The following TMTC1 variants were observed in gnomAD, a reference collection of about 807,000 sequenced individuals.
TMTC1 encodes protein O-mannosyl-transferase TMTC1.
In TMTC1, 73 loss-of-function variants were observed where a neutral mutation model predicts 104.8. The observed-to-expected ratio is 0.70, with a 90% CI of 0.58 to 0.85. The LOEUF (loss-of-function observed/expected upper bound fraction) is 0.85, where lower values mean the gene tolerates loss of function less well. Ranked by LOEUF, TMTC1 falls within the 40% of genes least tolerant of loss-of-function variation. TMTC1 has a pLI of 0.00. For synonymous variants in TMTC1, 434 were observed against 428.7 expected (o/e 1.01, Z -0.15); for missense variants, 1,035 against 1,096.1 (o/e 0.94, Z 0.79).
chr12:29,596,823 C>G (rs1338296224), intron 7 of TMTC1, among the ~76,000 whole-genome samples: 2 of 152,212 alleles, frequency 1.3e-5, no homozygotes, highest in Non-Finnish European at 2.9e-5. Context: ...CCCAGGCTTT[C>G]TACTATTCTT....
At chr12:29,702,009 T>C (rs1247673240) in intron 5 of TMTC1, among the ~76,000 whole-genome samples, 1 of 152,186 alleles carries the variant, frequency 6.6e-6, no homozygotes, top group African/African-American at 2.4e-5. Context: ...TAATACTGAG[T>C]TAACTATTTT....
At chr12:29,513,031 T>G (rs1411285751) in intron 16 of TMTC1, among the ~76,000 whole-genome samples, 1 of 152,190 alleles carries the variant, frequency 6.6e-6, no homozygotes, top group African/African-American at 2.4e-5. Flanking sequence ...AAACTATACC[T>G]TCAAAAAGCT....
chr12:29,777,364 A>G (rs1943735658), intron 1 of TMTC1, among the ~76,000 whole-genome samples: 1 of 152,128 alleles, frequency 6.6e-6, no homozygotes. Flanking sequence ...AAGTGCTGGA[A>G]TTACAGGGCA....
rs377664653 is a variant in TMTC1 at position 29,643,846 on chromosome 12, T to G, written c.939-10510A>C. On this transcript the variant is annotated intron_variant, in intron 5 of 17. Coordinates refer to ENST00000539277, the MANE Select transcript of TMTC1 (RefSeq NM_001193451.2). ...TTATATATTTATATATATTTATATATTTATATATATTTATATATATTTTTA... is the reference window on the plus strand; with the variant it reads ...TTATATATTTATATATATTTATATAGTTATATATATTTATATATATTTTTA... 3.9e-3 allele frequency among the ~76,000 whole-genome samples: 286 copies of G among 73,810 alleles called. 16 individuals are homozygous for G. Among genetic ancestry groups the G allele is most frequent in the African/African-American group, 0.011 (208 of 18,428 alleles). 48.4% of individuals were successfully genotyped at this position (73,810 alleles called of 152,430 possible).
At chr12:29,545,643 A>T (rs1460935086) in intron 10 of TMTC1, among the ~76,000 whole-genome samples, 1 of 121,330 alleles carries the variant, frequency 8.2e-6, no homozygotes, top group Non-Finnish European at 1.8e-5. Flanking sequence ...ACACACACAC[A>T]CACACACACA....
At chr12:29,591,155 T>G (rs1946271530) in intron 7 of TMTC1, among the ~76,000 whole-genome samples, 1 of 152,208 alleles carries the variant, frequency 6.6e-6, no homozygotes, top group Non-Finnish European at 1.5e-5. Context: ...GAGTATCACA[T>G]TCTTAAAAGT....
chr12:29,698,076 C>T (rs1409962799), intron 5 of TMTC1, among the ~76,000 whole-genome samples: 1 of 152,110 alleles, frequency 6.6e-6, no homozygotes, highest in African/African-American at 2.4e-5. Flanking sequence ...CTGATCTTCC[C>T]TTATCTGCCT....
chr12:29,712,985 T>A (rs2136848022), intron 5 of TMTC1, among the ~76,000 whole-genome samples: 1 of 152,286 alleles, frequency 6.6e-6, no homozygotes. Flanking sequence ...GTATTTTTTT[T>A]AAGGCGTGAC....
At chr12:29,550,363 C>G (rs748073057) in intron 10 of TMTC1, among the ~76,000 whole-genome samples, 59 of 152,230 alleles carry the variant, frequency 3.9e-4, no homozygotes, top group Non-Finnish European at 7.6e-4. Context: ...GAGGTTCTAA[C>G]AGTGATCAAG....
Position 29,512,159 on chromosome 12 carries a change from C to T in TMTC1, c.2431-39G>A, listed in dbSNP as rs73280562. The T allele has an allele frequency of 8.0e-4, 1,222 of 1,532,760 alleles. 5 individuals are homozygous for T. In the African/African-American group the frequency reaches 0.014, roughly 17 times the overall value. 94.9% of individuals were successfully genotyped at this position (1,532,760 alleles called of 1,614,324 possible). On this transcript the variant is annotated intron_variant, in intron 16 of 17. Coordinates refer to ENST00000539277, the MANE Select transcript of TMTC1 (RefSeq NM_001193451.2). ...AAATATCCTCAGGTTAGGAAACAAA[C>T]CTCCAAACTCCAGGATTGCAGAAAC...
intron 2 of TMTC1, among the ~76,000 whole-genome samples, chr12:29,767,150 A>G (rs1453420275): frequency 6.6e-6 from 1 of 152,000 alleles, no homozygotes; most frequent in Non-Finnish European, 1.5e-5. Context: ...ATGGGGATTC[A>G]CCACATTGGC....
At chr12:29,622,534 C>T (rs897466205) in intron 6 of TMTC1, among the ~76,000 whole-genome samples, 2 of 152,102 alleles carry the variant, frequency 1.3e-5, no homozygotes, top group Admixed American at 6.6e-5. Flanking sequence ...GCATTTTCAG[C>T]CGTGGTTCTC....
chr12:29,580,175 C>T (rs1238299554), intron 8 of TMTC1, among the ~76,000 whole-genome samples: 2 of 151,924 alleles, frequency 1.3e-5, no homozygotes, highest in Non-Finnish European at 2.9e-5. Context: ...AAATATTAAC[C>T]GGGTGTGGTG....
chr12:29,599,384 C>T (rs1318532045), intron 7 of TMTC1, among the ~76,000 whole-genome samples: 1 of 152,124 alleles, frequency 6.6e-6, no homozygotes, highest in Non-Finnish European at 1.5e-5. Context: ...AAACTCTGAC[C>T]CTGAAGCAAT....
At chr12:29,612,057 G>A (rs1946859280) in intron 6 of TMTC1, among the ~76,000 whole-genome samples, 1 of 152,126 alleles carries the variant, frequency 6.6e-6, no homozygotes, top group African/African-American at 2.4e-5. Context: ...TCAAACTGAG[G>A]TCTGAGTCAC....
rs150576374 is a variant in TMTC1 at position 29,721,972 on chromosome 12, T to C, written c.938+29694A>G. Among the ~76,000 whole-genome samples the C allele has an allele frequency of 5.1e-3, 784 of 152,306 alleles. 2 individuals carry two copies. The highest frequency in any genetic ancestry group is 0.01 in the Middle Eastern group (3 of 294). ...TTGTTTTTCAGTTCTGGAAATCTCCTTAACATCTGGCTTAATAGATGCCTA... is the reference window on the plus strand; with the variant it reads ...TTGTTTTTCAGTTCTGGAAATCTCCCTAACATCTGGCTTAATAGATGCCTA... On this transcript the variant is annotated intron_variant, in intron 5 of 17. Coordinates refer to ENST00000539277, the MANE Select transcript of TMTC1 (RefSeq NM_001193451.2).
chr12:29,580,288 C>T (rs541877939), intron 8 of TMTC1, among the ~76,000 whole-genome samples: 37 of 152,180 alleles, frequency 2.4e-4, no homozygotes, highest in Middle Eastern at 6.8e-3. Context: ...CACTACACCC[C>T]AGCCTGGGTG....
chr12:29,704,568 A>G (rs994910335), intron 5 of TMTC1, among the ~76,000 whole-genome samples: 9 of 152,214 alleles, frequency 5.9e-5, no homozygotes, highest in African/African-American at 1.9e-4. Flanking sequence ...AATATACTCT[A>G]ATTTCCTTGT....
At chr12:29,578,610 C>T (rs7957323) in intron 8 of TMTC1, among the ~76,000 whole-genome samples, 32 of 152,124 alleles carry the variant, frequency 2.1e-4, no homozygotes, top group Admixed American at 7.9e-4. Context: ...TTTAAATCCA[C>T]GCATTTCACG....
Sources: allele counts gnomAD v4.1 joint callset (sites outside exome capture counted in the v4.1 genomes callset), GRCh38; gene constraint gnomAD v4.1.1; transcripts MANE v1.5; gene names NCBI Gene and HGNC (gene_info 2026-07-23, HGNC 2026-07-21).